The following AK5 variants were observed in gnomAD, a reference collection of about 807,000 sequenced individuals.
AK5 encodes the protein adenylate kinase isoenzyme 5.
In AK5, 27 loss-of-function variants were observed where a neutral mutation model predicts 69.5. The observed-to-expected ratio is 0.39, with a 90% confidence interval of 0.29 to 0.54. The LOEUF is 0.54. Among genes scored for constraint, AK5 ranks in the 20% least tolerant of loss-of-function variants. The pLI is 0.71. For missense variants in AK5, 531 were observed against 700.4 expected (o/e 0.76, Z 2.73); for synonymous variants, 260 against 244.4 (o/e 1.06, Z -0.60).
intron 6 of AK5, among the ~76,000 whole-genome samples, chr1:77,386,584 A>G (rs902213411): frequency 6.6e-5 from 10 of 152,152 alleles, no homozygotes; most frequent in Admixed American, 5.9e-4. Flanking sequence ...GCCTGAAGAT[A>G]CCATGTCAGG....
intron 6 of AK5, among the ~76,000 whole-genome samples, chr1:77,401,844 A>G (rs1324928954): frequency 6.6e-6 from 1 of 152,156 alleles, no homozygotes; most frequent in Non-Finnish European, 1.5e-5. Flanking sequence ...TTGTTACTGC[A>G]TTTGTTATTC....
chr1:77,377,929 C>T (rs1647354355), intron 6 of AK5, among the ~76,000 whole-genome samples: 1 of 152,180 alleles, frequency 6.6e-6, no homozygotes, highest in South Asian at 2.1e-4. Flanking sequence ...CTCTATGAAA[C>T]TTTTCTCCTT....
intron 6 of AK5, among the ~76,000 whole-genome samples, chr1:77,348,940 T>C (rs955547127): frequency 6.6e-6 from 1 of 152,156 alleles, no homozygotes; most frequent in African/African-American, 2.4e-5. Context: ...TTTGGTAATG[T>C]CCCTAGACTA....
intron 12 of AK5, among the ~76,000 whole-genome samples, chr1:77,522,860 GAAA>G (rs1658070320): frequency 6.6e-6 from 1 of 152,050 alleles, no homozygotes; most frequent in Non-Finnish European, 1.5e-5. Flanking sequence ...GACTAGTTTT[GAAA>G]CATTTTTCAT....
chr1:77,475,524 T>TTA (rs1654884186), intron 8 of AK5, among the ~76,000 whole-genome samples: 1 of 103,846 alleles, frequency 9.6e-6, no homozygotes, highest in Non-Finnish European at 1.9e-5. Context: ...TGTATATATA[T>TTA]TATATATATA....
intron 11 of AK5, among the ~76,000 whole-genome samples, chr1:77,520,994 C>T (rs1330831263): frequency 1.3e-5 from 2 of 152,214 alleles, no homozygotes; most frequent in Non-Finnish European, 2.9e-5. Flanking sequence ...ACTTCATTTA[C>T]CATAGCACTT....
chr1:77,381,518 C>A (rs1009021213), intron 6 of AK5, among the ~76,000 whole-genome samples: 6 of 152,128 alleles, frequency 3.9e-5, no homozygotes, highest in Admixed American at 1.3e-4. Flanking sequence ...AAGAACAAAA[C>A]ATGGTCCTGC....
chr1:77,458,509 G>A (rs1319514584), intron 8 of AK5, among the ~76,000 whole-genome samples: 1 of 152,210 alleles, frequency 6.6e-6, no homozygotes, highest in Admixed American at 6.5e-5. Context: ...AAAGGAAAGA[G>A]GTTTAATGGA....
intron 8 of AK5, among the ~76,000 whole-genome samples, chr1:77,436,041 A>C (rs532443116): frequency 3.6e-4 from 55 of 152,182 alleles, no homozygotes; most frequent in Non-Finnish European, 6.8e-4. Context: ...TTAGGATAAA[A>C]ATTTACTTTC....
At chr1:77,526,100 T>G (rs1298843497) in intron 12 of AK5, among the ~76,000 whole-genome samples, 1 of 152,208 alleles carries the variant, frequency 6.6e-6, no homozygotes, top group Non-Finnish European at 1.5e-5. Flanking sequence ...ATTCTAATCT[T>G]CTAGCCAACG....
Position 77,443,701 on chromosome 1 carries a change from G to GTGTA in AK5, c.1059+25989_1059+25990insATGT, listed in dbSNP as rs1466100466. On this transcript the variant is annotated intron_variant, in intron 8 of 13. Coordinates refer to ENST00000354567, the MANE Select transcript of AK5 (RefSeq NM_174858.3). ...TCTGTGTGTGTGTGTGTGTGTGTGT[G>GTGTA]TGTGTGTGTGTGTGTGTGTGTGTTC... Among the ~76,000 whole-genome samples, 22 of 151,350 alleles carry GTGTA rather than the reference G, an allele frequency of 1.5e-4. 1 individual carries two copies. Among genetic ancestry groups the GTGTA allele is most frequent in the African/African-American group, 5.3e-4 (22 of 41,180 alleles).
chr1:77,476,907 T>TAAAAAA (rs1553155235), intron 8 of AK5, among the ~76,000 whole-genome samples: 1 of 147,978 alleles, frequency 6.8e-6, no homozygotes, highest in East Asian at 2.0e-4. Flanking sequence ...GCTGTTTTTT[T>TAAAAAA]AAAAAAAAAA....
intron 8 of AK5, among the ~76,000 whole-genome samples, chr1:77,470,498 C>T (rs1654394271): frequency 6.6e-6 from 1 of 152,086 alleles, no homozygotes; most frequent in African/African-American, 2.4e-5. Flanking sequence ...GAGTGAGACC[C>T]TGACTCAAAT....
chr1:77,367,555 TTTTATATA>T (rs1368712535), intron 6 of AK5, among the ~76,000 whole-genome samples: 5 of 59,298 alleles, frequency 8.4e-5, no homozygotes, highest in African/African-American at 4.6e-4. Context: ...TTTATGTTAT[TTTTATATA>T]TATATATATA....
At chr1:77,364,603 A>C (rs1446260037) in intron 6 of AK5, among the ~76,000 whole-genome samples, 1 of 152,244 alleles carries the variant, frequency 6.6e-6, no homozygotes, top group East Asian at 1.9e-4. Context: ...GCTTCCACCT[A>C]TGAGTGAGAC....
At position 77,504,681 on chromosome 1, in the gene AK5, T is replaced by G. The variant is rs568907626; in HGVS notation, c.1148-13883T>G. ...CGCATGTGTCTTACCAAGATGAAGA[T>G]CAGAAAATTGAACGTGACCAGAACC... On this transcript the variant is annotated intron_variant, in intron 10 of 13. Coordinates refer to ENST00000354567, the MANE Select transcript of AK5 (RefSeq NM_174858.3). Among the ~76,000 whole-genome samples the G allele has an allele frequency of 5.9e-5, 9 of 152,234 alleles. No individual in the cohort carries two copies. In the East Asian group the frequency reaches 1.7e-3, roughly 29 times the overall value.
At chr1:77,308,241 A>G (rs767087732) in intron 5 of AK5, among the ~76,000 whole-genome samples, 35 of 151,980 alleles carry the variant, frequency 2.3e-4, no homozygotes, top group Admixed American at 1.1e-3. Context: ...TTCTCAGCCC[A>G]AGAGCTGGAC....
chr1:77,396,950 A>G (rs561601969), intron 6 of AK5, among the ~76,000 whole-genome samples: 21 of 152,372 alleles, frequency 1.4e-4, no homozygotes, highest in Admixed American at 4.6e-4. Context: ...TGCCATGCAC[A>G]TGAGCCCACC....
At chr1:77,355,900 C>T (rs1453723566) in intron 6 of AK5, among the ~76,000 whole-genome samples, 2 of 144,040 alleles carry the variant, frequency 1.4e-5, no homozygotes, top group Non-Finnish European at 3.1e-5. Flanking sequence ...CACACACACA[C>T]ACACATATAT....
Sources: allele counts gnomAD v4.1 joint callset (sites outside exome capture counted in the v4.1 genomes callset), GRCh38; gene constraint gnomAD v4.1.1; transcripts MANE v1.5; gene names NCBI Gene and HGNC (gene_info 2026-07-23, HGNC 2026-07-21).